Variants in ATP13A5 observed in about 807,000 individuals in gnomAD.
ATP13A5 encodes the protein ATPase 13A5, also known as probable cation-transporting ATPase 13A5.
A neutral mutation model predicts 150.2 loss-of-function variants in ATP13A5; 149 were observed. The observed-to-expected ratio is 0.99, with a 90% CI of 0.87 to 1.14. The LOEUF (loss-of-function observed/expected upper bound fraction) is 1.14. Ranked by LOEUF, ATP13A5 falls within the 50% of genes most tolerant of loss-of-function variation. The pLI is 0.00. For missense variants in ATP13A5, 1,383 were observed against 1,449.3 expected (o/e 0.95, Z 0.74); for synonymous variants, 497 against 522.2 (o/e 0.95, Z 0.66).
At chr3:193,279,819 A>T (rs1345779237) in intron 27 of ATP13A5, among the ~76,000 whole-genome samples, 1 of 151,808 alleles carries the variant, frequency 6.6e-6, no homozygotes, top group African/African-American at 2.4e-5. Flanking sequence ...AAGTTCAGGG[A>T]TCCTCTATTG....
chr3:193,367,618 G>T (rs1713282344), intron 1 of ATP13A5, among the ~76,000 whole-genome samples: 1 of 152,168 alleles, frequency 6.6e-6, no homozygotes, highest in South Asian at 2.1e-4. Flanking sequence ...TATATTAAAA[G>T]TTTAGTACAT....
chr3:193,343,869 T>C (rs1015055044), intron 9 of ATP13A5, 58 bp downstream of exon 9: 2 of 1,571,610 alleles, frequency 1.3e-6, no homozygotes, highest in African/African-American at 2.7e-5. Flanking sequence ...TAGGTGAGGA[T>C]ATGTTGATCT....
At position 193,314,971 on chromosome 3, in the gene ATP13A5, C is replaced by T. The variant is rs969990876; in HGVS notation, c.2158+1G>A. The T allele has an allele frequency of 6.2e-7, 1 of 1,612,160 alleles. No individual in the cohort carries two copies. The highest frequency in any genetic ancestry group is 1.3e-5 in the African/African-American group (1 of 74,912). On this transcript the variant is annotated splice_donor_variant, in intron 18 of 29. Coordinates refer to ENST00000342358, the MANE Select transcript of ATP13A5 (RefSeq NM_198505.4). LOFTEE classifies it high-confidence loss of function. ...CCAGGCCCCTAGAAACAAATACATA[C>T]CTGTAATCATCACAGTCCTGATACG...
Position 193,307,359 on chromosome 3 carries a change from C to G in ATP13A5, c.2536G>C (p.Gly846Arg), listed in dbSNP as rs1282623128. The G allele has an allele frequency of 4.3e-6, 7 of 1,613,714 alleles. No homozygotes were observed. The highest frequency in any genetic ancestry group is 5.9e-6 in the Non-Finnish European group (7 of 1,179,876). The change falls in exon 22 of 30, where the codon GGC becomes CGC. Residue 846 changes from glycine (G) to arginine (R), a missense_variant. Physicochemically the swap from Gly to Arg is moderately radical, Grantham distance 125. Transcript: ENST00000342358. ...EEFQKLNYYV[G>R]MCGDGANDCG... Reference sequence around the variant, plus strand: ...TCGTTAGCTCCATCTCCACACATGCCCACATAATAACTGCGGGAGACAGGA... The same window carrying G: ...TCGTTAGCTCCATCTCCACACATGCGCACATAATAACTGCGGGAGACAGGA...
chr3:193,300,918 G>T (rs976342670), intron 24 of ATP13A5, among the ~76,000 whole-genome samples: 1 of 152,100 alleles, frequency 6.6e-6, no homozygotes, highest in Middle Eastern at 3.2e-3. Context: ...ATTATACTTA[G>T]GCTGCTTTGA....
intron 1 of ATP13A5, among the ~76,000 whole-genome samples, chr3:193,375,393 G>C (rs750863856): frequency 6.6e-6 from 1 of 152,090 alleles, no homozygotes; most frequent in Admixed American, 6.5e-5. Flanking sequence ...GATTTATTTC[G>C]GGTCTTATGT....
intron 26 of ATP13A5, among the ~76,000 whole-genome samples, chr3:193,289,453 A>G (rs1717857943): frequency 6.6e-6 from 1 of 152,136 alleles, no homozygotes; most frequent in Non-Finnish European, 1.5e-5. Context: ...GATTTTGTAG[A>G]TAATGTTTTA....
chr3:193,343,912 A>G lies in ATP13A5; in HGVS notation c.943+15T>C, dbSNP rs201994376. On this transcript the variant is annotated intron_variant, in intron 9 of 29. Transcript: ENST00000342358. ...TGTCAGACAGGGAAGAGGAAGCTCC[A>G]TGACAACTGCCTACCTGTAAGCATG... The G allele has an allele frequency of 2.5e-6, 4 of 1,610,392 alleles. No homozygotes were observed. The highest frequency in any genetic ancestry group is 1.3e-5 in the African/African-American group (1 of 74,912).
chr3:193,370,327 C>G (rs1006163403), intron 1 of ATP13A5, among the ~76,000 whole-genome samples: 1 of 152,152 alleles, frequency 6.6e-6, no homozygotes, highest in Non-Finnish European at 1.5e-5. Context: ...TTTCTTTATA[C>G]CCCACCCTGT....
chr3:193,345,931 A>G (rs1246835936), intron 7 of ATP13A5, among the ~76,000 whole-genome samples: 5 of 151,998 alleles, frequency 3.3e-5, no homozygotes, highest in Admixed American at 2.0e-4. Context: ...TTCTGCTTGT[A>G]AGTGTCTGTG....
intron 27 of ATP13A5, among the ~76,000 whole-genome samples, chr3:193,284,117 C>A (rs1369133062): frequency 2.0e-5 from 3 of 151,464 alleles, no homozygotes; most frequent in African/African-American, 7.3e-5. Context: ...ACCTCCCAGG[C>A]TCAAGCAATC....
At chr3:193,285,613 C>A (rs1717689676) in intron 26 of ATP13A5, among the ~76,000 whole-genome samples, 1 of 152,180 alleles carries the variant, frequency 6.6e-6, no homozygotes, top group Non-Finnish European at 1.5e-5. Flanking sequence ...TCCAACTGGC[C>A]TATGAGATCT....
At chr3:193,287,524 T>A (rs149469685) in intron 26 of ATP13A5, among the ~76,000 whole-genome samples, 1 of 152,262 alleles carries the variant, frequency 6.6e-6, no homozygotes, top group East Asian at 1.9e-4. Flanking sequence ...AAAGCATGGA[T>A]GACAGCACGT....
At chr3:193,279,541 G>T in intron 27 of ATP13A5, 87 bp from the exon 28 acceptor site, 1 of 984,154 alleles carries the variant, frequency 1.0e-6, no homozygotes. Context: ...TATCTCTGTT[G>T]GGCAAATACC....
Position 193,307,369 on chromosome 3 carries a change from A to C in ATP13A5, c.2526T>G (p.Asn842Lys). 3 of 1,613,812 alleles carry C rather than the reference A, an allele frequency of 1.9e-6. No individual in the cohort carries two copies. Among genetic ancestry groups the C allele is most frequent in the Non-Finnish European group, 2.5e-6 (3 of 1,179,860 alleles). The change falls in exon 22 of 30, where the codon AAT (asparagine) becomes AAG (lysine). Residue 842 changes from asparagine (N) to lysine (K), a missense_variant and splice_region_variant. Physicochemically the swap from Asn to Lys is moderately conservative, Grantham distance 94 (BLOSUM62 0). Coordinates refer to ENST00000342358, the MANE Select transcript of ATP13A5 (RefSeq NM_198505.4). ...SSLIEEFQKL[N>K]YYVGMCGDGA... ...CATCTCCACACATGCCCACATAATA[A>C]CTGCGGGAGACAGGAGAAGAAGGAT...
intron 8 of ATP13A5, 37 bp downstream of exon 8, chr3:193,344,966 T>C: frequency 6.4e-7 from 1 of 1,555,540 alleles, no homozygotes; most frequent in South Asian, 1.1e-5. Flanking sequence ...CCCCCTGAAA[T>C]ATTAAGATGC....
intron 1 of ATP13A5, among the ~76,000 whole-genome samples, chr3:193,369,965 T>G (rs1713385339): frequency 1.3e-5 from 2 of 152,164 alleles, no homozygotes; most frequent in African/African-American, 4.8e-5. Context: ...AGCTTTTAGT[T>G]GCAATATACT....
At chr3:193,304,734 A>G (rs1718542050) in intron 23 of ATP13A5, among the ~76,000 whole-genome samples, 2 of 152,304 alleles carry the variant, frequency 1.3e-5, no homozygotes, top group Middle Eastern at 3.4e-3. Context: ...ACGTCTGTTA[A>G]TGGCTTCCTG....
rs758666573 is a variant in ATP13A5 at position 193,290,024 on chromosome 3, A to G, written c.2884T>C (p.Tyr962His). The change falls in exon 26 of 30, where the codon TAT becomes CAT. Residue 962 changes from tyrosine to histidine, a missense_variant. By Grantham distance (83) the Tyr-to-His change is moderately conservative. Coordinates refer to ENST00000342358, the MANE Select transcript of ATP13A5 (RefSeq NM_198505.4). ...STHAYPKLAP[Y>H]RPAGQLLSPP... The stretch of plus-strand genomic sequence containing the variant: ...GAAAGGAGCTGTCCTGCTGGTCTAT[A>G]TGGAGCCAGCTTTGGGTAGGCATGA... 1.9e-6 allele frequency: 3 copies of G among 1,611,246 alleles called. No individual in the cohort carries two copies. Among genetic ancestry groups the G allele is most frequent in the East Asian group, 2.2e-5 (1 of 44,840 alleles).
Sources: gnomAD v4.1 joint callset for allele counts (sites outside exome capture counted in the v4.1 genomes callset) on GRCh38, gnomAD v4.1.1 for gene constraint, MANE v1.5 for transcripts, NCBI Gene and HGNC (gene_info 2026-07-23, HGNC 2026-07-21) for gene names.